HSD17B7: variants seen among roughly 807,000 people sequenced by gnomAD.
HSD17B7 encodes the protein hydroxysteroid 17-beta dehydrogenase 7, also known as 3-keto-steroid reductase/17-beta-hydroxysteroid dehydrogenase 7.
In HSD17B7, 17 loss-of-function variants were observed where a neutral mutation model predicts 34.1. That is an observed-to-expected ratio of 0.50 (90% CI 0.34 to 0.75). The LOEUF (loss-of-function observed/expected upper bound fraction) is 0.75. Among genes scored for constraint, HSD17B7 ranks in the 30% least tolerant of loss-of-function variants. The pLI is 0.01. For synonymous variants in HSD17B7, 122 were observed against 154.6 expected (o/e 0.79, Z 1.56); for missense variants, 296 against 406.6 (o/e 0.73, Z 2.34).
intron 2 of HSD17B7, among the ~76,000 whole-genome samples, chr1:162,794,900 T>C (rs539211058): frequency 1.2e-4 from 18 of 152,332 alleles, no homozygotes; most frequent in African/African-American, 4.3e-4. Context: ...TCGTAAGATA[T>C]TTAGCAACTT....
chr1:162,808,947 G>A (rs867373909), intron 8 of HSD17B7, among the ~76,000 whole-genome samples: 4 of 151,990 alleles, frequency 2.6e-5, no homozygotes, highest in Non-Finnish European at 4.4e-5. Context: ...TTTCCTAATT[G>A]AATACCCTTT....
chr1:162,791,639 C>T (rs1648409567), intron 1 of HSD17B7, among the ~76,000 whole-genome samples: 1 of 147,334 alleles, frequency 6.8e-6, no homozygotes, highest in Non-Finnish European at 1.5e-5. Context: ...CTGCATTTGG[C>T]AACTTTTTAG....
intron 6 of HSD17B7, 86 bp from the exon 7 acceptor site, chr1:162,804,181 G>A: frequency 1.1e-6 from 1 of 898,838 alleles, no homozygotes; most frequent in South Asian, 1.7e-5. Context: ...CAGAAAGGCA[G>A]GGTTTTAAAA....
At chr1:162,798,051 T>A in intron 4 of HSD17B7, 135 bp downstream of exon 4, 1 of 1,386,716 alleles carries the variant, frequency 7.2e-7, no homozygotes, top group Non-Finnish European at 9.5e-7. Flanking sequence ...TGATTGCATT[T>A]GCCTTGTTTA....
At chr1:162,810,849 C>T (rs1302713126) in intron 8 of HSD17B7, among the ~76,000 whole-genome samples, 1 of 152,146 alleles carries the variant, frequency 6.6e-6, no homozygotes, top group African/African-American at 2.4e-5. Context: ...TCTCTCTGCA[C>T]ATGAAATGGG....
At chr1:162,792,202 G>A (rs1176828851) in intron 1 of HSD17B7, among the ~76,000 whole-genome samples, 1 of 152,166 alleles carries the variant, frequency 6.6e-6, no homozygotes, top group Non-Finnish European at 1.5e-5. Flanking sequence ...TCCTTATGGT[G>A]TTTACGATAC....
At chr1:162,811,664 G>A (rs924704623) in intron 8 of HSD17B7, among the ~76,000 whole-genome samples, 14 of 152,250 alleles carry the variant, frequency 9.2e-5, no homozygotes, top group African/African-American at 3.1e-4. Flanking sequence ...TCCACAAATT[G>A]TCAGGTACTC....
chr1:162,799,238 A>AT (rs1330510720), intron 4 of HSD17B7, among the ~76,000 whole-genome samples: 7 of 151,640 alleles, frequency 4.6e-5, no homozygotes, highest in African/African-American at 1.5e-4. Flanking sequence ...TCCTGCTCAA[A>AT]TTTTTTCAGT....
chr1:162,804,980 T>G (rs1177233762), intron 7 of HSD17B7, among the ~76,000 whole-genome samples: 1 of 152,190 alleles, frequency 6.6e-6, no homozygotes, highest in Non-Finnish European at 1.5e-5. Context: ...TGTATCTGAG[T>G]CAGTCCTTTA....
At chr1:162,795,060 A>T (rs769408201) in intron 2 of HSD17B7, among the ~76,000 whole-genome samples, 31 of 152,314 alleles carry the variant, frequency 2.0e-4, no homozygotes, top group Admixed American at 3.3e-4. Flanking sequence ...GGTTGGTGTC[A>T]ATTCAAGTTT....
Position 162,810,135 on chromosome 1 carries a change from T to C in HSD17B7, c.904-2163T>C, listed in dbSNP as rs185897725. The stretch of plus-strand genomic sequence containing the variant: ...CACTGCTTTAAATGTGTCCCAGAGA[T>C]TCTGGTGTGTTGTGTCTTTGTTCTC... On this transcript the variant is annotated intron_variant, in intron 8 of 8. Coordinates refer to ENST00000254521, the MANE Select transcript of HSD17B7 (RefSeq NM_016371.4). Among the ~76,000 whole-genome samples, 131 of 152,332 alleles carry C rather than the reference T, an allele frequency of 8.6e-4. 1 individual carries two copies. Among genetic ancestry groups the C allele is most frequent in the Non-Finnish European group, 1.4e-3 (97 of 68,028 alleles).
chr1:162,796,717 T>C, intron 3 of HSD17B7, 40 bp downstream of exon 3: 5 of 1,221,154 alleles, frequency 4.1e-6, no homozygotes, highest in Non-Finnish European at 6.1e-6. Context: ...GGAAGGAATG[T>C]GTTCATTTTT....
At chr1:162,806,911 C>T (rs1425844999) in intron 8 of HSD17B7, among the ~76,000 whole-genome samples, 2 of 152,162 alleles carry the variant, frequency 1.3e-5, no homozygotes, top group Non-Finnish European at 2.9e-5. Flanking sequence ...TGTAATGCTT[C>T]TTCCAGCTCC....
At chr1:162,799,283 T>C (rs1412687414) in intron 4 of HSD17B7, among the ~76,000 whole-genome samples, 2 of 152,232 alleles carry the variant, frequency 1.3e-5, no homozygotes, top group African/African-American at 2.4e-5. Flanking sequence ...TTGGCTCCTG[T>C]ATCTCTTTGG....
chr1:162,799,795 T>C lies in HSD17B7; in HGVS notation c.500T>C (p.Ile167Thr). The change falls in exon 5 of 9, where the codon ATC (isoleucine) becomes ACC (threonine). Residue 167 changes from isoleucine (I) to threonine (T), a missense_variant. Ile to Thr is a moderately conservative substitution (Grantham distance 89). Coordinates refer to ENST00000254521, the MANE Select transcript of HSD17B7 (RefSeq NM_016371.4). ...LCHSDNPSQL[I>T]WTSSRSARKS... Reference sequence around the variant, plus strand: ...CACAGTGACAATCCATCTCAGCTCATCTGGACATCATCTCGCAGTGCAAGG... The same window carrying C: ...CACAGTGACAATCCATCTCAGCTCACCTGGACATCATCTCGCAGTGCAAGG... 6.2e-7 allele frequency: 1 copy of C among 1,613,950 alleles called. No homozygotes were observed. Among genetic ancestry groups the C allele is most frequent in the Non-Finnish European group, 8.5e-7 (1 of 1,179,902 alleles).
At chr1:162,791,765 T>C (rs1471705600) in intron 1 of HSD17B7, among the ~76,000 whole-genome samples, 4 of 152,044 alleles carry the variant, frequency 2.6e-5, no homozygotes, top group Non-Finnish European at 2.9e-5. Context: ...TGTGCAATTG[T>C]ATATTAAATG....
Position 162,792,719 on chromosome 1 carries a change from T to C in HSD17B7, c.96T>C (p.Cys32=). The C allele has an allele frequency of 6.2e-7, 1 of 1,614,150 alleles. No homozygotes were observed. The highest frequency in any genetic ancestry group is 1.1e-5 in the South Asian group (1 of 91,070). Residue 32 remains cysteine, a synonymous_variant, in exon 2 of 9, where the codon TGT becomes TGC. Coordinates refer to ENST00000254521, the MANE Select transcript of HSD17B7 (RefSeq NM_016371.4). ...LLAEDDELHL[C]LACRNMSKAE... ...CGGAAGATGATGAGCTTCATCTGTG[T>C]TTGGCGTGCAGGAACATGAGCAAGG... is the stretch of plus-strand genomic sequence containing the variant.
intron 7 of HSD17B7, 52 bp from the exon 8 acceptor site, chr1:162,805,342 T>A: frequency 6.3e-7 from 1 of 1,599,132 alleles, no homozygotes; most frequent in Non-Finnish European, 8.5e-7. Context: ...TCCACCAGCC[T>A]CACTCATCTT....
chr1:162,793,006 T>C (rs1282706262), intron 2 of HSD17B7, 144 bp downstream of exon 2: 1 of 695,412 alleles, frequency 1.4e-6, no homozygotes, highest in African/African-American at 1.8e-5. Context: ...GGTGACCCAT[T>C]GTGTCTCAGT....
Sources: gnomAD v4.1 joint callset for allele counts (sites outside exome capture counted in the v4.1 genomes callset) on GRCh38, gnomAD v4.1.1 for gene constraint, MANE v1.5 for transcripts, NCBI Gene and HGNC (gene_info 2026-07-23, HGNC 2026-07-21) for gene names.